The following AKAP17A variants were observed in gnomAD, a reference collection of about 807,000 sequenced individuals.
AKAP17A encodes A-kinase anchoring protein 17A.
AKAP17A carries 15 observed loss-of-function variants against 52.2 expected under a neutral mutation model. The ratio of observed to expected loss-of-function variants is 0.29; its 90% CI spans 0.19 to 0.44. The LOEUF is 0.44. AKAP17A is among the 20% of genes least tolerant of loss of function. AKAP17A has a pLI of 1.00. For synonymous variants in AKAP17A, 514 were observed against 424.7 expected, an observed-to-expected ratio of 1.21 and a Z score of -2.58; for missense variants, 1,060 against 1,007.0, an observed-to-expected ratio of 1.05 and a Z score of -0.71.
chrX:1,600,391 C>T (rs1603460321), intron 4 of AKAP17A: 1 of 625,158 alleles, frequency 1.6e-6, no homozygotes, highest in Non-Finnish European at 2.7e-6. Flanking sequence ...GAGGCCCGCC[C>T]TGGGGCTGCG....
rs1186912363 is a variant in AKAP17A, at chrX:1,601,198, G to A, written c.1692G>A (p.Glu564=). The change falls in exon 5 of 5, where the codon GAG becomes GAA. Residue 564 remains glutamate, a synonymous_variant. Transcript: ENST00000313871. ...AGCCCAAGGGCATCCCTGCCTGCGA[G>A]CAGAATGTCTCCAGAAAGGACACCC... ...NQQPKGIPAC[E]QNVSRKDTRS... is the part of the protein sequence containing the mutation. 1 of 1,613,932 alleles carries A rather than the reference G, an allele frequency of 6.2e-7. No individual in the cohort carries two copies. Among genetic ancestry groups the A allele is most frequent in the Non-Finnish European group, 8.5e-7 (1 of 1,179,824 alleles).
At chrX:1,599,141 G>T in intron 3 of AKAP17A, 51 bp from the exon 4 acceptor site, 1 of 1,596,758 alleles carries the variant, frequency 6.3e-7, no homozygotes, top group Non-Finnish European at 8.5e-7. Context: ...ATGGTGTGTG[G>T]TGTGTTGGCT....
At position 1,600,886 on chromosome X, in the gene AKAP17A, C is replaced by T. The variant is rs201823650; in HGVS notation, c.1380C>T (p.His460=). The T allele has an allele frequency of 3.9e-4, 613 of 1,579,210 alleles. 3 individuals are homozygous for T. The highest frequency in any genetic ancestry group is 1.7e-3 in the East Asian group (76 of 43,458). ...CACACGACGAGCTGGGCGTGGCACA[C>T]GCCGACCTGCTGCAGCCCGTCCTGG... is the stretch of plus-strand genomic sequence containing the variant. ...SHTHDELGVA[H]ADLLQPVLDI... The change falls in exon 5 of 5, where the codon CAC becomes CAT. Residue 460 remains histidine, a synonymous_variant. Coordinates refer to ENST00000313871, the MANE Select transcript of AKAP17A (RefSeq NM_005088.3).
At position 1,594,207 on chromosome X, in the gene AKAP17A, G is replaced by A. The variant is rs759355717; in HGVS notation, c.745G>A (p.Val249Met). ...GTACAAGGGCGAGGACGGCAAGGCC[G>A]TGGCCTGCAACATCAAGGTGAGTCC... ...LMYKGEDGKAVACNIKVSFDS... is the reference protein window; with the variant it reads ...LMYKGEDGKAMACNIKVSFDS... Residue 249 changes from valine to methionine, a missense_variant, in exon 2 of 5, where the codon GTG becomes ATG. Val to Met is a conservative substitution (Grantham distance 21, BLOSUM62 1). Transcript: ENST00000313871. 1 of 1,542,352 alleles carries A rather than the reference G, an allele frequency of 6.5e-7. No homozygotes were observed.
At chrX:1,595,767 CTG>C (rs1932945800) in intron 3 of AKAP17A, among the ~76,000 whole-genome samples, 1 of 150,740 alleles carries the variant, frequency 6.6e-6, no homozygotes, top group African/African-American at 2.4e-5. Flanking sequence ...GCACGTGTGC[CTG>C]TGTGTGCGTG....
At chrX:1,598,604 G>A (rs1196363818) in intron 3 of AKAP17A, among the ~76,000 whole-genome samples, 2 of 152,106 alleles carry the variant, frequency 1.3e-5, no homozygotes, top group Non-Finnish European at 2.9e-5. Flanking sequence ...GACTCTCTCT[G>A]GGGACCGCGC....
chrX:1,593,341 T>G, intron 1 of AKAP17A, 103 bp from the exon 2 acceptor site: 1 of 1,161,968 alleles, frequency 8.6e-7, no homozygotes, highest in Admixed American at 2.2e-5. Context: ...GACACTGCTG[T>G]TTCTCTTCTC....
chrX:1,597,875 C>T (rs1276948383), intron 3 of AKAP17A, among the ~76,000 whole-genome samples: 5 of 151,796 alleles, frequency 3.3e-5, no homozygotes, highest in African/African-American at 7.3e-5. Flanking sequence ...GTGTCCAGAG[C>T]CCCGGGGAGG....
intron 2 of AKAP17A, 98 bp from the exon 3 acceptor site, chrX:1,595,286 C>T: frequency 2.6e-6 from 4 of 1,545,936 alleles, no homozygotes; most frequent in Non-Finnish European, 1.8e-6. Context: ...CGCTCAGGCT[C>T]TGAGGCCACT....
chrX:1,595,229 CTGGGTCTGCACCGGACATGAG>C (rs1445775557), intron 2 of AKAP17A, among the ~76,000 whole-genome samples, 134 bp from the exon 3 acceptor site: 2 of 80,448 alleles, frequency 2.5e-5, no homozygotes, highest in Admixed American at 2.1e-4. Context: ...GCTCCACTGT[CTGGGTCTGCACCGGACATGAG>C]TGGTGAGCGG....
chrX:1,593,354 G>A, intron 1 of AKAP17A, 90 bp from the exon 2 acceptor site: 2 of 1,308,490 alleles, frequency 1.5e-6, no homozygotes, highest in South Asian at 2.7e-5. Context: ...CTCTTCTCCG[G>A]GTCCAGAAAG....
Position 1,601,078 on chromosome X carries a change from G to A in AKAP17A, c.1572G>A (p.Glu524=), listed in dbSNP as rs139252235. ...GSVAEEAPCK[E]VQSSCRVVPE... ...TGGCCGAGGAGGCCCCATGCAAGGA[G>A]GTTCAGAGCTCCTGTCGTGTGGTCC... Residue 524 remains glutamate, a synonymous_variant, in exon 5 of 5, where the codon GAG becomes GAA. Transcript: ENST00000313871. The A allele has an allele frequency of 8.1e-6, 13 of 1,613,520 alleles. No individual in the cohort carries two copies. The highest frequency in any genetic ancestry group is 8.0e-5 in the African/African-American group (6 of 74,908).
intron 3 of AKAP17A, among the ~76,000 whole-genome samples, chrX:1,597,901 T>TG (rs1344639796): frequency 1.3e-5 from 2 of 152,018 alleles, no homozygotes; most frequent in Non-Finnish European, 2.9e-5. Context: ...GCCTGTTGTC[T>TG]GGGGGAGCTG....
At chrX:1,599,747 G>C (rs1245242159) in intron 4 of AKAP17A, 2 of 617,230 alleles carry the variant, frequency 3.2e-6, no homozygotes, top group Non-Finnish European at 5.8e-6. Context: ...GTGGCAGAGA[G>C]TGCAGGGGGC....
intron 2 of AKAP17A, 113 bp downstream of exon 2, chrX:1,594,337 A>C: frequency 7.8e-7 from 1 of 1,287,856 alleles, no homozygotes; most frequent in Non-Finnish European, 1.0e-6. Flanking sequence ...GACCTCCCCT[A>C]AGTAAAATGG....
At chrX:1,599,464 C>T (rs765585268) in intron 4 of AKAP17A, 32 bp downstream of exon 4, 23 of 1,553,256 alleles carry the variant, frequency 1.5e-5, no homozygotes, top group South Asian at 9.5e-5. Flanking sequence ...AGCCGCCAGC[C>T]GCGCCCGGGC....
At chrX:1,598,557 G>A (rs1239558116) in intron 3 of AKAP17A, among the ~76,000 whole-genome samples, 3 of 152,130 alleles carry the variant, frequency 2.0e-5, no homozygotes, top group Non-Finnish European at 4.4e-5. Flanking sequence ...GCGGGGCGGG[G>A]GAGGCTGAGC....
Position 1,600,962 on chromosome X carries a change from C to G in AKAP17A, c.1456C>G (p.Pro486Ala), listed in dbSNP as rs1933336947. The G allele has an allele frequency of 6.3e-7, 1 of 1,588,752 alleles. No homozygotes were observed. Among genetic ancestry groups the G allele is most frequent in the South Asian group, 1.1e-5 (1 of 88,866 alleles). ...CTGTGTGAGCGCCACCACGCTGCAC[C>G]CCCTCGGGGGCCAGCCCCCGGCCGG... is the stretch of plus-strand genomic sequence containing the variant. ...SGCVSATTLH[P>A]LGGQPPAGAP... The change falls in exon 5 of 5, where the codon CCC (proline) becomes GCC (alanine). Residue 486 changes from proline (P) to alanine (A), a missense_variant. Pro to Ala is a conservative substitution (Grantham distance 27, BLOSUM62 -1). This residue lies in a region of AKAP17A where 793 missense variants were observed against 629.9 expected (regional missense o/e 1.26). Coordinates refer to ENST00000313871, the MANE Select transcript of AKAP17A (RefSeq NM_005088.3).
At chrX:1,595,331 GTGTC>G (rs1392699042) in intron 2 of AKAP17A, 49 bp from the exon 3 acceptor site, 1 of 1,608,794 alleles carries the variant, frequency 6.2e-7, no homozygotes, top group African/African-American at 1.3e-5. Flanking sequence ...GCCTGGCCGT[GTGTC>G]TGGGGGGTTT....
Sources: gnomAD v4.1 joint callset for allele counts (sites outside exome capture counted in the v4.1 genomes callset) on GRCh38, gnomAD v4.1.1 for gene constraint, gnomAD v4.1.1 regional missense constraint, MANE v1.5 for transcripts, NCBI Gene and HGNC (gene_info 2026-07-23, HGNC 2026-07-21) for gene names.